Variants in COL21A1 observed in about 807,000 individuals in gnomAD.
COL21A1 encodes the protein collagen alpha-1(XXI) chain.
In COL21A1, 149 loss-of-function variants were observed where a neutral mutation model predicts 137.9. The observed-to-expected ratio is 1.08, with a 90% CI of 0.95 to 1.24. The LOEUF (loss-of-function observed/expected upper bound fraction) is 1.24. Among genes scored for constraint, COL21A1 ranks in the 50% most tolerant of loss-of-function variants. The pLI is 0.00. For missense variants in COL21A1, 1,167 were observed against 1,158.4 expected, an observed-to-expected ratio of 1.01 and a Z score of -0.11; for synonymous variants, 456 against 391.5, an observed-to-expected ratio of 1.16 and a Z score of -1.95.
intron 1 of COL21A1, among the ~76,000 whole-genome samples, chr6:56,284,656 A>C (rs1326830796): frequency 1.3e-5 from 2 of 152,078 alleles, no homozygotes; most frequent in Non-Finnish European, 2.9e-5. Flanking sequence ...AAATTTTATT[A>C]TACCCTTCCT....
Position 56,343,754 on chromosome 6 carries a change from A to T in COL21A1, c.-39+50217T>A, listed in dbSNP as rs377106287. ...CCAGGAGTTGGAGACCAAACTGAGCAACATAGCAAGATCCTGTTTGTACAA... is the reference window on the plus strand; with the variant it reads ...CCAGGAGTTGGAGACCAAACTGAGCTACATAGCAAGATCCTGTTTGTACAA... On this transcript the variant is annotated intron_variant, in intron 1 of 28. Coordinates refer to the COL21A1 transcript ENST00000370819. Among the ~76,000 whole-genome samples, 5 of 152,308 alleles carry T rather than the reference A, an allele frequency of 3.3e-5. No individual in the cohort carries two copies. The South Asian group carries it at 8.3e-4, about 25-fold the overall frequency.
chr6:56,360,279 G>T (rs1226170079), intron 1 of COL21A1, among the ~76,000 whole-genome samples: 1 of 152,214 alleles, frequency 6.6e-6, no homozygotes, highest in Non-Finnish European at 1.5e-5. Flanking sequence ...CTGATGTGAT[G>T]TGGACCACTT....
intron 1 of COL21A1, among the ~76,000 whole-genome samples, chr6:56,231,622 A>G (rs1781566773): frequency 6.6e-6 from 1 of 151,900 alleles, no homozygotes; most frequent in Non-Finnish European, 1.5e-5. Context: ...TATTTTACCA[A>G]TTATGTATAC....
intron 22 of COL21A1, 98 bp from the exon 23 acceptor site, chr6:56,067,428 G>T (rs748026882): frequency 9.3e-7 from 1 of 1,080,196 alleles, no homozygotes; most frequent in Non-Finnish European, 1.4e-6. Flanking sequence ...ACAACATCTC[G>T]TGCAAACTCC....
chr6:56,143,523 A>G (rs1774595050), intron 10 of COL21A1, among the ~76,000 whole-genome samples: 1 of 151,832 alleles, frequency 6.6e-6, no homozygotes, highest in Admixed American at 6.6e-5. Context: ...TTTATCACCA[A>G]CCATCATCCT....
At chr6:56,162,344 T>C (rs1401527424) in intron 9 of COL21A1, among the ~76,000 whole-genome samples, 1 of 152,146 alleles carries the variant, frequency 6.6e-6, no homozygotes, top group Non-Finnish European at 1.5e-5. Flanking sequence ...AACTGCAATT[T>C]CACTTAGAGT....
At chr6:56,209,364 T>C (rs1333943758) in intron 1 of COL21A1, among the ~76,000 whole-genome samples, 2 of 151,964 alleles carry the variant, frequency 1.3e-5, no homozygotes, top group Non-Finnish European at 2.9e-5. Flanking sequence ...GGGAGAAAAT[T>C]TTTGCAACCT....
At chr6:56,393,846 A>G (rs963839846) in intron 1 of COL21A1, 4 of 152,224 alleles carry the variant, frequency 2.6e-5, no homozygotes, top group African/African-American at 7.2e-5. Flanking sequence ...GTAGGCCTGA[A>G]CCCTACCCAG....
chr6:56,133,284 A>C (rs1234558941), intron 12 of COL21A1, among the ~76,000 whole-genome samples: 8 of 152,142 alleles, frequency 5.3e-5, no homozygotes, highest in Non-Finnish European at 1.0e-4. Context: ...AACTGGAGTA[A>C]AAGCAACTCT....
chr6:56,060,891 G>A lies in COL21A1; in HGVS notation c.2352C>T (p.Pro784=), dbSNP rs200674177. The A allele has an allele frequency of 4.4e-5, 69 of 1,581,008 alleles. No individual in the cohort carries two copies. Among genetic ancestry groups the A allele is most frequent in the East Asian group, 9.2e-5 (4 of 43,538 alleles). Residue 784 remains proline (P), a splice_region_variant and synonymous_variant, in exon 26 of 30, where the codon CCC becomes CCT. Transcript: ENST00000244728. The part of the protein sequence containing the change: ...PQGPPGLDGK[P]GREFSEQFIR... Reference sequence around the variant, plus strand: ...ACTGTGAAAGAAGCAGAATACATACGGGCTTCCCATCCAAACCTGGGGGTC... The same window carrying A: ...ACTGTGAAAGAAGCAGAATACATACAGGCTTCCCATCCAAACCTGGGGGTC...
intron 17 of COL21A1, among the ~76,000 whole-genome samples, chr6:56,082,836 T>C (rs1767907798): frequency 6.6e-6 from 1 of 151,874 alleles, no homozygotes; most frequent in East Asian, 1.9e-4. Flanking sequence ...TTGTATCTAA[T>C]CTAATATCTT....
chr6:56,143,857 G>A (rs1293179496), intron 10 of COL21A1, among the ~76,000 whole-genome samples: 19 of 151,926 alleles, frequency 1.3e-4, no homozygotes, highest in African/African-American at 4.6e-4. Flanking sequence ...ATAGAACATT[G>A]GAATAATTTA....
chr6:56,161,992 T>C (rs1776237933), intron 9 of COL21A1, among the ~76,000 whole-genome samples: 1 of 152,188 alleles, frequency 6.6e-6, no homozygotes, highest in Non-Finnish European at 1.5e-5. Flanking sequence ...GTCACTCGAT[T>C]TGATGGACTT....
intron 1 of COL21A1, among the ~76,000 whole-genome samples, chr6:56,380,753 A>G (rs1228803830): frequency 1.3e-5 from 2 of 152,150 alleles, no homozygotes; most frequent in African/African-American, 4.8e-5. Context: ...CCCTAAATGT[A>G]GGGCTGCAGA....
chr6:56,325,208 G>T (rs1764980584), intron 1 of COL21A1, among the ~76,000 whole-genome samples: 1 of 116,694 alleles, frequency 8.6e-6, no homozygotes, highest in Non-Finnish European at 1.7e-5. Context: ...TTTGTTATAG[G>T]AGCCTTGGTC....
At chr6:56,166,423 C>T (rs371954083) in intron 7 of COL21A1, among the ~76,000 whole-genome samples, 22 of 152,000 alleles carry the variant, frequency 1.4e-4, no homozygotes, top group South Asian at 4.2e-4. Context: ...GGGCTTAGGC[C>T]GGCGAATCAC....
intron 1 of COL21A1, among the ~76,000 whole-genome samples, chr6:56,261,270 G>A (rs960266073): frequency 2.6e-5 from 4 of 151,964 alleles, no homozygotes; most frequent in Non-Finnish European, 4.4e-5. Flanking sequence ...TGCCTCACCC[G>A]AATCATGCTC....
chr6:56,381,343 T>C (rs1303603462), intron 1 of COL21A1, among the ~76,000 whole-genome samples: 2 of 152,198 alleles, frequency 1.3e-5, no homozygotes, highest in Non-Finnish European at 1.5e-5. Flanking sequence ...AATTCAGATA[T>C]TACCTGCCAT....
At chr6:56,374,103 T>C (rs2093994811) in intron 1 of COL21A1, among the ~76,000 whole-genome samples, 1 of 152,206 alleles carries the variant, frequency 6.6e-6, no homozygotes, top group African/African-American at 2.4e-5. Context: ...ACATGCTCAC[T>C]TCTACCCCAG....
Sources: gnomAD v4.1 joint callset for allele counts (sites outside exome capture counted in the v4.1 genomes callset) on GRCh38, gnomAD v4.1.1 for gene constraint, MANE v1.5 for transcripts, NCBI Gene and HGNC (gene_info 2026-07-23, HGNC 2026-07-21) for gene names.